Variants in TMEM131L observed in about 807,000 individuals in gnomAD.
The protein encoded by TMEM131L is transmembrane 131 like.
In TMEM131L, 54 loss-of-function variants were observed where a neutral mutation model predicts 192.2. The observed-to-expected ratio is 0.28, with a 90% CI of 0.23 to 0.35. The LOEUF is 0.35. Among genes scored for constraint, TMEM131L ranks in the 10% least tolerant of loss-of-function variants. The pLI is 1.00. For missense variants in TMEM131L, 1,888 were observed against 1,972.9 expected (o/e 0.96, Z 0.82); for synonymous variants, 701 against 704.9 (o/e 0.99, Z 0.09).
intron 3 of TMEM131L, among the ~76,000 whole-genome samples, chr4:153,546,072 A>G (rs569193796): frequency 6.6e-5 from 10 of 152,076 alleles, no homozygotes; most frequent in Non-Finnish European, 1.2e-4. Context: ...ATATATAGTA[A>G]TAGAGATGAG....
intron 3 of TMEM131L, among the ~76,000 whole-genome samples, chr4:153,535,043 A>G (rs1351070567): frequency 6.6e-6 from 1 of 152,208 alleles, no homozygotes; most frequent in Non-Finnish European, 1.5e-5. Flanking sequence ...CCATGCTGGC[A>G]GTGCTGAGCC....
intron 3 of TMEM131L, among the ~76,000 whole-genome samples, chr4:153,540,123 C>CA (rs778006121): frequency 3.9e-5 from 5 of 126,676 alleles, no homozygotes; most frequent in Non-Finnish European, 7.8e-5. Context: ...AAAATAAAAA[C>CA]AAAAAAACAA....
At position 153,602,213 on chromosome 4, in the gene TMEM131L, A is replaced by G. The variant is rs776439987; in HGVS notation, c.2328A>G (p.Gly776=). The G allele has an allele frequency of 6.2e-7, 1 of 1,612,528 alleles. No homozygotes were observed. The highest frequency in any genetic ancestry group is 1.1e-5 in the South Asian group (1 of 90,784). Residue 776 remains glycine, a synonymous_variant, in exon 22 of 35, where the codon GGA becomes GGG. Coordinates refer to ENST00000409959, the MANE Select transcript of TMEM131L (RefSeq NM_001131007.2). ...AGAACTTTAAAGTTGAGAATATTGGACCTCTTCCTATAACTGTTTCGTCTC... is the reference window on the plus strand; with the variant it reads ...AGAACTTTAAAGTTGAGAATATTGGGCCTCTTCCTATAACTGTTTCGTCTC... The part of the protein sequence containing the change: ...ITKNFKVENI[G]PLPITVSSLK...
At chr4:153,617,360 A>T (rs1423804507) in intron 26 of TMEM131L, among the ~76,000 whole-genome samples, 1 of 152,204 alleles carries the variant, frequency 6.6e-6, no homozygotes, top group Non-Finnish European at 1.5e-5. Context: ...AAACGAACTA[A>T]TACAGGGATC....
intron 3 of TMEM131L, among the ~76,000 whole-genome samples, chr4:153,495,461 A>T (rs1019193622): frequency 6.6e-5 from 10 of 152,296 alleles, no homozygotes; most frequent in African/African-American, 2.4e-4. Flanking sequence ...GACATCAATG[A>T]GTAGGTATAA....
At chr4:153,630,811 TG>T (rs1734156877) in intron 31 of TMEM131L, among the ~76,000 whole-genome samples, 1 of 152,316 alleles carries the variant, frequency 6.6e-6, no homozygotes, top group African/African-American at 2.4e-5. Flanking sequence ...AATGGCAGCC[TG>T]GGTGATGCAG....
intron 26 of TMEM131L, among the ~76,000 whole-genome samples, chr4:153,615,314 G>A (rs185083747): frequency 1.1e-4 from 16 of 152,324 alleles, no homozygotes; most frequent in Admixed American, 4.6e-4. Flanking sequence ...AGAGAGGGAT[G>A]GCTGAACATT....
At chr4:153,573,199 G>A (rs1729706758) in intron 7 of TMEM131L, among the ~76,000 whole-genome samples, 1 of 152,218 alleles carries the variant, frequency 6.6e-6, no homozygotes, top group South Asian at 2.1e-4. Flanking sequence ...AAATGGAATT[G>A]GTAATTCTGT....
chr4:153,502,824 T>C (rs1276417317), intron 3 of TMEM131L, among the ~76,000 whole-genome samples: 1 of 152,206 alleles, frequency 6.6e-6, no homozygotes, highest in Non-Finnish European at 1.5e-5. Context: ...GTGCTATAAC[T>C]CTTGATTGTC....
chr4:153,467,511 G>A lies in TMEM131L; in HGVS notation c.195+230G>A, dbSNP rs187004499. Among the ~76,000 whole-genome samples, 498 of 152,382 alleles carry A rather than the reference G, an allele frequency of 3.3e-3. 4 individuals are homozygous for A. The highest frequency in any genetic ancestry group is 0.012 in the African/African-American group (480 of 41,594). On this transcript the variant is annotated intron_variant, in intron 2 of 34. Transcript: ENST00000409959. ...GGCCGGCCCCAAGTTCAGAAGGTGG[G>A]AACCCAGGCCACCTCAGCAGGGAAG... is the stretch of plus-strand genomic sequence containing the variant.
intron 3 of TMEM131L, among the ~76,000 whole-genome samples, chr4:153,541,088 C>G (rs542065577): frequency 6.6e-6 from 1 of 152,198 alleles, no homozygotes; most frequent in East Asian, 1.9e-4. Context: ...CCTACCCTAG[C>G]GTCTAGGAAA....
chr4:153,533,885 C>T (rs1401526203), intron 3 of TMEM131L, among the ~76,000 whole-genome samples: 5 of 152,040 alleles, frequency 3.3e-5, no homozygotes, highest in Non-Finnish European at 5.9e-5. Context: ...TGAATAGACC[C>T]GATATATTTT....
intron 4 of TMEM131L, among the ~76,000 whole-genome samples, chr4:153,552,395 T>C (rs1262849990): frequency 2.0e-5 from 3 of 152,138 alleles, no homozygotes; most frequent in Non-Finnish European, 4.4e-5. Context: ...AAAAATCCTA[T>C]AGTCGATGCA....
intron 3 of TMEM131L, among the ~76,000 whole-genome samples, chr4:153,539,763 A>G (rs1220076925): frequency 1.3e-5 from 2 of 151,520 alleles, no homozygotes; most frequent in Non-Finnish European, 2.9e-5. Context: ...CATTCTTTGT[A>G]TTTGTCTGAA....
At chr4:153,508,678 ATT>A (rs555033353) in intron 3 of TMEM131L, among the ~76,000 whole-genome samples, 24 of 139,260 alleles carry the variant, frequency 1.7e-4, no homozygotes, top group Admixed American at 2.9e-4. Context: ...TTTTTTTTTA[ATT>A]TTTTTTTTTT....
chr4:153,485,377 A>G (rs1732257890), intron 3 of TMEM131L, among the ~76,000 whole-genome samples: 1 of 152,146 alleles, frequency 6.6e-6, no homozygotes, highest in Admixed American at 6.5e-5. Context: ...CGAATGATAC[A>G]TGCATGTTGG....
At chr4:153,621,606 G>A in intron 27 of TMEM131L, 77 bp from the exon 28 acceptor site, 2 of 1,449,050 alleles carry the variant, frequency 1.4e-6, no homozygotes. Flanking sequence ...CCTCTAATAA[G>A]TGTCATGGAA....
At chr4:153,511,055 C>G (rs1734320924) in intron 3 of TMEM131L, among the ~76,000 whole-genome samples, 1 of 152,190 alleles carries the variant, frequency 6.6e-6, no homozygotes, top group African/African-American at 2.4e-5. Flanking sequence ...AGTTCAACCA[C>G]TGTGGAAAGC....
intron 19 of TMEM131L, among the ~76,000 whole-genome samples, chr4:153,594,945 C>G (rs1731327237): frequency 6.6e-6 from 1 of 152,086 alleles, no homozygotes; most frequent in African/African-American, 2.4e-5. Flanking sequence ...TCATGTATAG[C>G]TTGAAATTCC....
Sources: allele counts gnomAD v4.1 joint callset (sites outside exome capture counted in the v4.1 genomes callset), GRCh38; gene constraint gnomAD v4.1.1; transcripts MANE v1.5; gene names NCBI Gene and HGNC (gene_info 2026-07-23, HGNC 2026-07-21).